The following DCTN4 variants were observed in gnomAD, a reference collection of about 807,000 sequenced individuals.
The protein encoded by DCTN4 is dynactin 4 (p62).
Under a neutral mutation model 62.7 loss-of-function variants are expected in DCTN4, and 23 were observed. The ratio of observed to expected loss-of-function variants is 0.37; its 90% CI spans 0.26 to 0.52. The LOEUF (loss-of-function observed/expected upper bound fraction) is 0.52, where lower values mean the gene tolerates loss of function less well. Ranked by LOEUF, DCTN4 falls within the 20% of genes least tolerant of loss-of-function variation. DCTN4 has a pLI of 0.92. For synonymous variants in DCTN4, 199 were observed against 202.1 expected, an observed-to-expected ratio of 0.98 and a Z score of 0.13; for missense variants, 514 against 580.4, an observed-to-expected ratio of 0.89 and a Z score of 1.18.
intron 12 of DCTN4, among the ~76,000 whole-genome samples, chr5:150,713,969 T>C (rs957659951): frequency 1.3e-4 from 19 of 151,574 alleles, no homozygotes; most frequent in African/African-American, 4.6e-4. Flanking sequence ...ATACAAAAAT[T>C]GGCCAGGCGT....
intron 12 of DCTN4, among the ~76,000 whole-genome samples, chr5:150,715,108 G>A (rs1759705667): frequency 8.7e-6 from 1 of 115,520 alleles, no homozygotes; most frequent in Admixed American, 1.3e-4. Flanking sequence ...GGAAGGTTTG[G>A]TTCTTTTCAG....
At chr5:150,715,505 A>G (rs923892953) in intron 12 of DCTN4, 60 bp downstream of exon 12, 9 of 1,304,808 alleles carry the variant, frequency 6.9e-6, no homozygotes, top group Non-Finnish European at 9.8e-6. Context: ...AAAACTGGAT[A>G]TAAGTGGGCA....
At chr5:150,720,160 A>G (rs1186376059) in intron 9 of DCTN4, among the ~76,000 whole-genome samples, 1 of 152,230 alleles carries the variant, frequency 6.6e-6, no homozygotes, top group Non-Finnish European at 1.5e-5. Flanking sequence ...GAATGCTTTG[A>G]AAAGTGCTTG....
At chr5:150,732,012 A>C in intron 5 of DCTN4, 2 of 966,554 alleles carry the variant, frequency 2.1e-6, no homozygotes, top group Non-Finnish European at 3.2e-6. Flanking sequence ...AATTGGAAGA[A>C]TAATTCATTT....
rs933136850 is a variant in DCTN4, at chr5:150,708,793, G to A, written c.*2356C>T. 1 of 152,790 alleles carries A rather than the reference G, an allele frequency of 6.5e-6. No individual in the cohort carries two copies. The highest frequency in any genetic ancestry group is 1.5e-5 in the Non-Finnish European group (1 of 68,044). 9.5% of individuals were successfully genotyped at this position (152,790 alleles called of 1,614,324 possible). On this transcript the variant is annotated 3_prime_UTR_variant, in exon 13 of 13. Coordinates refer to ENST00000447998, the MANE Select transcript of DCTN4 (RefSeq NM_016221.4). The stretch of plus-strand genomic sequence containing the variant: ...TCACTACATTAAGTTAAGCAATAAG[G>A]CAAAACAGTAACCTGTCATTCATAA...
chr5:150,749,402 T>G (rs909706210), intron 3 of DCTN4, among the ~76,000 whole-genome samples: 1 of 152,216 alleles, frequency 6.6e-6, no homozygotes, highest in East Asian at 1.9e-4. Context: ...GAAGTACTGC[T>G]GTACATGTGC....
intron 8 of DCTN4, among the ~76,000 whole-genome samples, chr5:150,725,516 T>C (rs1581573717): frequency 6.6e-6 from 1 of 152,244 alleles, no homozygotes; most frequent in Non-Finnish European, 1.5e-5. Flanking sequence ...TATTTTATTT[T>C]GGTTTCTTAA....
intron 10 of DCTN4, 134 bp from the exon 11 acceptor site, chr5:150,718,517 T>C (rs1759851907): frequency 6.4e-6 from 4 of 628,432 alleles, no homozygotes; most frequent in Non-Finnish European, 1.1e-5. Flanking sequence ...ATCACTGTAT[T>C]CTCTATGTGC....
rs1468183947 is a variant in DCTN4, at chr5:150,734,157, C to G, written c.430-682G>C. On this transcript the variant is annotated intron_variant, in intron 4 of 12. Coordinates refer to ENST00000447998, the MANE Select transcript of DCTN4 (RefSeq NM_016221.4). ...AACTTGCAGCTTCCCCTCAGACAGA[C>G]AGAACAACATGTGGAGACTCACACT... 2.0e-5 allele frequency: 3 copies of G among 152,148 alleles called. No homozygotes were observed. The East Asian group carries it at 5.8e-4, about 29-fold the overall frequency. 9.4% of individuals were successfully genotyped at this position (152,148 alleles called of 1,614,324 possible). A position where few individuals can be genotyped will look rare whatever the true frequency, so the allele number is the denominator to read the frequency against.
intron 3 of DCTN4, among the ~76,000 whole-genome samples, chr5:150,746,783 G>A (rs1309995981): frequency 5.9e-5 from 9 of 152,096 alleles, no homozygotes; most frequent in South Asian, 2.1e-4. Flanking sequence ...TTGATGGGAC[G>A]TATCTCAAAA....
At position 150,753,408 on chromosome 5, in the gene DCTN4, A is replaced by T. The variant is rs1752747642; in HGVS notation, c.385+71T>A. 3.5e-6 allele frequency: 5 copies of T among 1,422,922 alleles called. No individual in the cohort carries two copies. The South Asian group carries it at 3.8e-5, about 11-fold the overall frequency. The allele number at this position is 1,422,922 out of a possible 1,614,324, so 88.1% of individuals were successfully genotyped here. A position where few individuals can be genotyped will look rare whatever the true frequency, so the allele number is the denominator to read the frequency against. The stretch of plus-strand genomic sequence containing the variant: ...TCCTATCGCCCCAACGGGTTACAGA[A>T]ATAATAATCTATGGGCAATTATAGC... On this transcript the variant is annotated intron_variant, in intron 3 of 12. Transcript: ENST00000447998.
intron 3 of DCTN4, among the ~76,000 whole-genome samples, chr5:150,751,125 T>A (rs905771573): frequency 2.0e-5 from 3 of 152,216 alleles, no homozygotes; most frequent in African/African-American, 7.2e-5. Context: ...TAATTTATTC[T>A]AAGTAGCAAT....
chr5:150,738,885 T>C (rs971626036), intron 4 of DCTN4, among the ~76,000 whole-genome samples: 1 of 152,196 alleles, frequency 6.6e-6, no homozygotes, highest in African/African-American at 2.4e-5. Flanking sequence ...AAAAAGCTCC[T>C]AGATCTGATC....
In DCTN4 at chr5:150,711,376, A is replaced by G; in HGVS notation, c.1170-14T>C. ...AAGGCTATAATGCTATGGAAAGAAA[A>G]AAAAGCAAGTATTAGGTAGATAAAA... On this transcript the variant is annotated splice_polypyrimidine_tract_variant and intron_variant, in intron 12 of 12. Coordinates refer to ENST00000447998, the MANE Select transcript of DCTN4 (RefSeq NM_016221.4). 6.2e-7 allele frequency: 1 copy of G among 1,608,230 alleles called. No individual in the cohort carries two copies. Among genetic ancestry groups the G allele is most frequent in the South Asian group, 1.1e-5 (1 of 90,880 alleles).
chr5:150,724,073 T>A (rs1760051790), intron 8 of DCTN4, among the ~76,000 whole-genome samples: 1 of 152,140 alleles, frequency 6.6e-6, no homozygotes, highest in Non-Finnish European at 1.5e-5. Flanking sequence ...TTCCTAAGAG[T>A]AGATCAAAGG....
rs367870050 is a variant in DCTN4, at chr5:150,742,632, C to T, written c.386-475G>A. 1.1e-4 allele frequency among the ~76,000 whole-genome samples: 16 copies of T among 152,228 alleles called. No homozygotes were observed. The East Asian group carries it at 2.1e-3, about 20-fold the overall frequency. On this transcript the variant is annotated intron_variant, in intron 3 of 12. Coordinates refer to ENST00000447998, the MANE Select transcript of DCTN4 (RefSeq NM_016221.4). ...AGAAGAATTTCTTACGTAAGAAGCA[C>T]ACAGCATAAATCACAAAGGAAAAGA...
At chr5:150,744,708 A>G (rs1306978533) in intron 3 of DCTN4, among the ~76,000 whole-genome samples, 1 of 152,068 alleles carries the variant, frequency 6.6e-6, no homozygotes, top group African/African-American at 2.4e-5. Context: ...TAAGTGAAGG[A>G]GAAATAAAAT....
At chr5:150,734,931 T>C (rs1307278635) in intron 4 of DCTN4, among the ~76,000 whole-genome samples, 1 of 152,088 alleles carries the variant, frequency 6.6e-6, no homozygotes, top group East Asian at 1.9e-4. Context: ...CCTGGGAACA[T>C]AACTCCATTG....
chr5:150,758,461 A>C, intron 1 of DCTN4: 1 of 992,456 alleles, frequency 1.0e-6, no homozygotes, highest in Non-Finnish European at 1.2e-6. Context: ...GGATGGGAGA[A>C]CTATGAATGA....
Sources: gnomAD v4.1 joint callset for allele counts (sites outside exome capture counted in the v4.1 genomes callset) on GRCh38, gnomAD v4.1.1 for gene constraint, MANE v1.5 for transcripts, NCBI Gene and HGNC (gene_info 2026-07-23, HGNC 2026-07-21) for gene names.